The following EML2 variants were observed in gnomAD, a reference collection of about 807,000 sequenced individuals.
EML2 encodes the protein EMAP like 2.
EML2 carries 59 observed loss-of-function variants against 84.7 expected under a neutral mutation model. That is an observed-to-expected ratio of 0.70 (90% CI 0.56 to 0.86). The LOEUF (loss-of-function observed/expected upper bound fraction) is 0.86. EML2 is among the 40% of genes least tolerant of loss of function. EML2 has a pLI of 0.00. For synonymous variants in EML2, 352 were observed against 348.9 expected (o/e 1.01, Z -0.10); for missense variants, 818 against 855.6 (o/e 0.96, Z 0.55).
rs370564011 is a variant in EML2, at chr19:45,615,458, C to T, written c.1597+344G>A. 1.3e-4 allele frequency among the ~76,000 whole-genome samples: 20 copies of T among 151,112 alleles called. No individual in the cohort carries two copies. The South Asian group carries it at 4.2e-3, about 32-fold the overall frequency. On this transcript the variant is annotated intron_variant, in intron 16 of 18. Coordinates refer to ENST00000245925, the MANE Select transcript of EML2 (RefSeq NM_012155.4). ...ACTTGAACCTGGGAGGCGGAGCTTG[C>T]AGTGAGCCGAGATCGCGCCACTGCA...
At chr19:45,625,603 C>T (rs1004219478) in intron 8 of EML2, among the ~76,000 whole-genome samples, 13 of 152,208 alleles carry the variant, frequency 8.5e-5, no homozygotes, top group African/African-American at 3.1e-4. Context: ...CCTCCTCCCT[C>T]CTCACCTCCA....
upstream of EML2, chr19:45,645,297 A>C (rs765873606): frequency 6.5e-7 from 1 of 1,533,528 alleles, no homozygotes; most frequent in South Asian, 1.2e-5. Context: ...AGCAGCGAGG[A>C]CGTGTCGTAC....
chr19:45,634,388 G>A lies in EML2; in HGVS notation c.263C>T (p.Ala88Val). The A allele has an allele frequency of 1.2e-6, 2 of 1,613,994 alleles. No individual in the cohort carries two copies. Among genetic ancestry groups the A allele is most frequent in the African/African-American group, 2.7e-5 (2 of 75,030 alleles). Residue 88 changes from alanine (A) to valine (V), a missense_variant, in exon 4 of 19, where the codon GCC becomes GTC. Ala to Val is a moderately conservative substitution (Grantham distance 64). Coordinates refer to ENST00000245925, the MANE Select transcript of EML2 (RefSeq NM_012155.4). ...CTGCTCCTCCACGCTGTATAGCACGGCTACGGAGGCCACAAAGTACACTAT... is the reference window on the plus strand; with the variant it reads ...CTGCTCCTCCACGCTGTATAGCACGACTACGGAGGCCACAAAGTACACTAT... ...GEIVYFVASV[A>V]VLYSVEEQRQ...
In EML2 at chr19:45,634,452, C is replaced by G. The variant is rs1973469244; in HGVS notation, c.199G>C (p.Asp67His). The change falls in exon 4 of 19, where the codon GAC (aspartate) becomes CAC (histidine). Residue 67 changes from aspartate (D) to histidine (H), a missense_variant. Transcript: ENST00000245925. ...AGCAAATAAAGGTTGGCCCGGCAGT[C>G]TCGGCCACGGTAGCCATAGCTGGAG... ...LEWVYGYRGR[D>H]CRANLYLLPT... 1 of 1,612,060 alleles carries G rather than the reference C, an allele frequency of 6.2e-7. No homozygotes were observed.
At chr19:45,630,146 A>C in intron 6 of EML2, 100 bp from the exon 7 acceptor site, 2 of 843,632 alleles carry the variant, frequency 2.4e-6, no homozygotes, top group Non-Finnish European at 3.9e-6. Context: ...CCTGTTTTAA[A>C]ACCTTCAGGC....
intron 13 of EML2, among the ~76,000 whole-genome samples, chr19:45,617,182 G>A (rs1034954627): frequency 1.5e-4 from 23 of 151,924 alleles, no homozygotes; most frequent in African/African-American, 5.1e-4. Context: ...GGAGGCAGAG[G>A]TTGCAGTGAG....
intron 11 of EML2, among the ~76,000 whole-genome samples, chr19:45,620,452 T>C (rs1274158486): frequency 1.3e-5 from 2 of 152,058 alleles, no homozygotes; most frequent in East Asian, 3.9e-4. Flanking sequence ...TTCATGCCTG[T>C]AATCCCCGCA....
Position 45,632,974 on chromosome 19 carries a change from G to T in EML2, c.400-3C>A, listed in dbSNP as rs769055163. ...ATGCGCACGTGGGGCGGCAGCGGCT[G>T]CAGGGAAGAGAGGCTTGTTACCTTG... On this transcript the variant is annotated splice_region_variant and splice_polypyrimidine_tract_variant and intron_variant, in intron 5 of 18. Coordinates refer to ENST00000245925, the MANE Select transcript of EML2 (RefSeq NM_012155.4). The T allele has an allele frequency of 6.2e-7, 1 of 1,613,224 alleles. No homozygotes were observed. The highest frequency in any genetic ancestry group is 1.3e-5 in the African/African-American group (1 of 74,808).
chr19:45,615,738 A>C, intron 16 of EML2, 64 bp downstream of exon 16: 1 of 1,399,782 alleles, frequency 7.1e-7, no homozygotes, highest in East Asian at 2.3e-5. Context: ...CTCCCCTCCC[A>C]GAACTCAGGG....
chr19:45,638,800 CA>C, intron 2 of EML2, 44 bp downstream of exon 2: 1 of 1,609,950 alleles, frequency 6.2e-7, no homozygotes, highest in Non-Finnish European at 8.5e-7. Context: ...CCTGTCACCC[CA>C]ACAAGCAAGC....
At chr19:45,617,105 G>T (rs1423321425) in intron 13 of EML2, among the ~76,000 whole-genome samples, 2 of 151,732 alleles carry the variant, frequency 1.3e-5, no homozygotes, top group African/African-American at 2.4e-5. Context: ...AATTAGCCAG[G>T]CGTGGTGGCA....
chr19:45,626,068 G>A (rs1205195902), intron 8 of EML2, among the ~76,000 whole-genome samples: 2 of 151,536 alleles, frequency 1.3e-5, no homozygotes, highest in Non-Finnish European at 2.9e-5. Flanking sequence ...GTAGATATGA[G>A]GTCTCTCCAT....
In EML2 at chr19:45,618,891, G is replaced by A. The variant is rs1286529061; in HGVS notation, c.1254+169C>T. On this transcript the variant is annotated intron_variant, in intron 12 of 18. Coordinates refer to ENST00000245925, the MANE Select transcript of EML2 (RefSeq NM_012155.4). The stretch of plus-strand genomic sequence containing the variant: ...GAACCCGGGAGGCGGAGGTTGCAGT[G>A]AGCCGAGATCGTGCCATTGCCCTCC... 3 of 634,094 alleles carry A rather than the reference G, an allele frequency of 4.7e-6. No homozygotes were observed. In the East Asian group the frequency reaches 1.1e-4, roughly 24 times the overall value. The allele number at this position is 634,094 out of a possible 1,614,324, so 39.3% of individuals were successfully genotyped here. A position where few individuals can be genotyped will look rare whatever the true frequency, so the allele number is the denominator to read the frequency against.
At chr19:45,632,695 A>T in intron 6 of EML2, 166 bp downstream of exon 6, 4 of 609,946 alleles carry the variant, frequency 6.6e-6, no homozygotes, top group East Asian at 5.7e-5. Context: ...ACGGTGACTC[A>T]CCCGCCCCTT....
At chr19:45,617,409 T>G (rs947642329) in intron 13 of EML2, among the ~76,000 whole-genome samples, 5 of 151,238 alleles carry the variant, frequency 3.3e-5, no homozygotes. Context: ...TAAAAAAAAA[T>G]TAGCCAGGCA....
chr19:45,638,500 GATA>G lies in EML2; in HGVS notation c.179+2_179+4del. 6.2e-7 allele frequency: 1 copy of G among 1,613,948 alleles called. No homozygotes were observed. Among genetic ancestry groups the G allele is most frequent in the Non-Finnish European group, 8.5e-7 (1 of 1,180,008 alleles). ...AGCACCAAGGAGATTCCAGCAAAAG[GATA>G]CACCCACTCCAGCTTGAGCCGGCAA... On this transcript the variant is annotated splice_donor_variant and splice_donor_region_variant and intron_variant, in intron 3 of 18. Transcript: ENST00000245925. LOFTEE classifies it high-confidence loss of function.
In EML2 at chr19:45,634,339, G is replaced by A. The variant is rs771284943; in HGVS notation, c.312C>T (p.His104=). The change falls in exon 4 of 19, where the codon CAC becomes CAT. Residue 104 remains histidine (H), a synonymous_variant. Transcript: ENST00000245925. ...EEQRQRHYLG[H]NDDIKCLAIH... ...CATCTCACCATTTGATGTCATCGTT[G>A]TGTCCCAGGTAGTGTCGCTGCCTCT... The A allele has an allele frequency of 6.1e-5, 99 of 1,613,528 alleles. No individual in the cohort carries two copies. The highest frequency in any genetic ancestry group is 8.4e-5 in the Non-Finnish European group (99 of 1,179,662).
intron 6 of EML2, 50 bp from the exon 7 acceptor site, chr19:45,630,096 C>T (rs1289236153): frequency 7.2e-7 from 1 of 1,391,848 alleles, no homozygotes; most frequent in South Asian, 1.2e-5. Flanking sequence ...AGTCAGGGCC[C>T]ATCCTCCCCC....
intron 8 of EML2, 83 bp downstream of exon 8, chr19:45,626,622 C>T: frequency 1.3e-6 from 2 of 1,493,360 alleles, no homozygotes; most frequent in South Asian, 1.3e-5. Context: ...CCCTGCCACC[C>T]TCTGGGGGAT....
Sources: gnomAD v4.1 joint callset for allele counts (sites outside exome capture counted in the v4.1 genomes callset) on GRCh38, gnomAD v4.1.1 for gene constraint, MANE v1.5 for transcripts, NCBI Gene and HGNC (gene_info 2026-07-23, HGNC 2026-07-21) for gene names.